Variants in IFT88 observed in about 807,000 individuals in gnomAD.
IFT88 encodes the protein intraflagellar transport 88, also known as intraflagellar transport protein 88 homolog.
In IFT88, 74 loss-of-function variants were observed where a neutral mutation model predicts 119.5. The observed-to-expected ratio is 0.62, with a 90% CI of 0.51 to 0.75. The LOEUF (loss-of-function observed/expected upper bound fraction) is 0.75. Among genes scored for constraint, IFT88 ranks in the 30% least tolerant of loss-of-function variants. The pLI is 0.00. For synonymous variants in IFT88, 279 were observed against 316.7 expected (o/e 0.88, Z 1.26); for missense variants, 961 against 977.7 (o/e 0.98, Z 0.23).
chr13:20,569,961 C>T (rs923947876), intron 1 of IFT88, among the ~76,000 whole-genome samples: 1 of 151,348 alleles, frequency 6.6e-6, no homozygotes, highest in African/African-American at 2.4e-5. Context: ...AGGAGAATGG[C>T]GTGAAACTGG....
At position 20,638,439 on chromosome 13, in the gene IFT88, T is replaced by C. The variant is rs1299459957; in HGVS notation, c.1494T>C (p.Gly498=). 1 of 1,530,954 alleles carries C rather than the reference T, an allele frequency of 6.5e-7. No individual in the cohort carries two copies. The highest frequency in any genetic ancestry group is 2.2e-5 in the Admixed American group (1 of 46,376). The allele number at this position is 1,530,954 out of a possible 1,614,324, so 94.8% of individuals were successfully genotyped here. ...TNKGNTVFAN[G]DYEKAAEFYK... is the part of the protein sequence containing the mutation. ...AAGGGAATACAGTTTTTGCAAATGG[T>C]GATTATGAGAAGGCCGCTGAATTCT... is the stretch of plus-strand genomic sequence containing the variant. The change falls in exon 17 of 26, where the codon GGT becomes GGC. Residue 498 remains glycine, a synonymous_variant. Coordinates refer to ENST00000351808, the MANE Select transcript of IFT88 (RefSeq NM_006531.5).
intron 13 of IFT88, 120 bp downstream of exon 13, chr13:20,605,225 G>T (rs1282971600): frequency 1.2e-4 from 54 of 432,932 alleles, no homozygotes; most frequent in Non-Finnish European, 3.3e-5. Flanking sequence ...TTTATAAAAG[G>T]GTTGAATGTG....
Position 20,688,519 on chromosome 13 carries a change from T to C in IFT88, c.2243-2186T>C, listed in dbSNP as rs2058180973. 2.6e-5 allele frequency among the ~76,000 whole-genome samples: 4 copies of C among 152,336 alleles called. No homozygotes were observed. The South Asian group carries it at 8.3e-4, about 32-fold the overall frequency. Reference sequence around the variant, plus strand: ...TTCTGAAGAACACCAAGCTGAAAATTTGATTTAAAGTGGACTTCAGTTGGT... The same window carrying C: ...TTCTGAAGAACACCAAGCTGAAAATCTGATTTAAAGTGGACTTCAGTTGGT... On this transcript the variant is annotated intron_variant, in intron 24 of 25. Transcript: ENST00000351808.
rs1555308478 is a variant in IFT88 at position 20,670,546 on chromosome 13, T to TA, written c.2176-426dup. ...ACCTTTTTTTTTTTTTTTTTTTTTT[T>TA]ACCCTCAAATAGTTCAGGTCCAACC... On this transcript the variant is annotated intron_variant, in intron 23 of 25. Transcript: ENST00000351808. Among the ~76,000 whole-genome samples the TA allele has an allele frequency of 9.4e-4, 127 of 135,086 alleles. 1 individual carries two copies. The highest frequency in any genetic ancestry group is 3.3e-3 in the African/African-American group (112 of 33,642). 88.6% of individuals were successfully genotyped at this position (135,086 alleles called of 152,430 possible). A position where few individuals can be genotyped will look rare whatever the true frequency, so the allele number is the denominator to read the frequency against.
chr13:20,628,932 C>T (rs978528540), intron 15 of IFT88, among the ~76,000 whole-genome samples: 1 of 152,050 alleles, frequency 6.6e-6, no homozygotes. Context: ...AAATTTAACA[C>T]ATTTCCTTGA....
intron 16 of IFT88, among the ~76,000 whole-genome samples, chr13:20,637,690 G>C (rs766955482): frequency 1.3e-5 from 2 of 152,178 alleles, no homozygotes; most frequent in African/African-American, 4.8e-5. Context: ...GGCTTTCTGA[G>C]ACTAAAGGCC....
intron 20 of IFT88, among the ~76,000 whole-genome samples, chr13:20,645,802 T>C (rs2050661785): frequency 6.6e-6 from 1 of 152,192 alleles, no homozygotes; most frequent in Non-Finnish European, 1.5e-5. Flanking sequence ...CTTAGAATAA[T>C]TTGAATGATA....
Position 20,599,543 on chromosome 13 carries a change from C to G in IFT88, c.790C>G (p.Pro264Ala), listed in dbSNP as rs1319897470. The G allele has an allele frequency of 1.3e-6, 2 of 1,525,038 alleles. No homozygotes were observed. The highest frequency in any genetic ancestry group is 9.0e-7 in the Non-Finnish European group (1 of 1,112,350). 94.5% of individuals were successfully genotyped at this position (1,525,038 alleles called of 1,614,324 possible). ...KFYRMALDQV[P>A]SVNKQMRIKI... ...CTACCGAATGGCATTAGACCAAGTT[C>G]CAAGTGTCAATAAGCAAATGAGGTA... Residue 264 changes from proline to alanine, a missense_variant, in exon 11 of 26, where the codon CCA (proline) becomes GCA (alanine). Physicochemically the swap from Pro to Ala is conservative, Grantham distance 27. Transcript: ENST00000351808.
intron 21 of IFT88, among the ~76,000 whole-genome samples, chr13:20,656,129 A>AAAAAAAAAAG (rs2052748736): frequency 6.6e-6 from 1 of 151,028 alleles, no homozygotes; most frequent in African/African-American, 2.4e-5. Flanking sequence ...CTTTAAAAAA[A>AAAAAAAAAAG]AAAAAAAGGA....
intron 13 of IFT88, among the ~76,000 whole-genome samples, chr13:20,614,670 T>A (rs1484934937): frequency 6.6e-6 from 1 of 152,182 alleles, no homozygotes; most frequent in African/African-American, 2.4e-5. Flanking sequence ...ACTTGAAAGA[T>A]GTTACTGTTG....
chr13:20,683,093 A>T (rs1253477303), intron 24 of IFT88, among the ~76,000 whole-genome samples: 1 of 152,176 alleles, frequency 6.6e-6, no homozygotes, highest in African/African-American at 2.4e-5. Flanking sequence ...AATAACAAAG[A>T]CTGGAGAATT....
At chr13:20,569,391 G>T (rs9552246) in intron 1 of IFT88, among the ~76,000 whole-genome samples, 82,018 of 150,284 alleles carry the variant, frequency 0.55, 22,759 homozygotes, top group East Asian at 0.67. Context: ...GGCTAACACG[G>T]TGAAACCCCG....
chr13:20,684,113 C>T (rs1594922519), intron 24 of IFT88, among the ~76,000 whole-genome samples: 1 of 152,174 alleles, frequency 6.6e-6, no homozygotes, highest in African/African-American at 2.4e-5. Flanking sequence ...GGAAAAGGCT[C>T]AAATGTAGCC....
At chr13:20,619,438 T>C (rs1263745674) in intron 14 of IFT88, among the ~76,000 whole-genome samples, 1 of 152,180 alleles carries the variant, frequency 6.6e-6, no homozygotes, top group Admixed American at 6.5e-5. Flanking sequence ...CATAATTTAG[T>C]TTTTCCAGGT....
chr13:20,616,832 A>G (rs578131755), intron 14 of IFT88, among the ~76,000 whole-genome samples: 30 of 152,226 alleles, frequency 2.0e-4, no homozygotes, highest in Non-Finnish European at 3.8e-4. Flanking sequence ...ATACAGCATT[A>G]CAGCACCTAG....
chr13:20,568,872 C>T (rs2035567625), intron 1 of IFT88, among the ~76,000 whole-genome samples: 1 of 152,082 alleles, frequency 6.6e-6, no homozygotes, highest in South Asian at 2.1e-4. Flanking sequence ...AGGCGCCCGC[C>T]ACCATGCCCA....
At position 20,670,883 on chromosome 13, in the gene IFT88, G is replaced by C. The variant is rs553806822; in HGVS notation, c.2176-90G>C. ...ATGGGTTAGTCCTAAGGGTAATGTA[G>C]TAATGTTAATTTTAAAATCCACCTT... On this transcript the variant is annotated intron_variant, in intron 23 of 25. Coordinates refer to ENST00000351808, the MANE Select transcript of IFT88 (RefSeq NM_006531.5). 4.9e-5 allele frequency: 50 copies of C among 1,025,604 alleles called. No homozygotes were observed. The East Asian group carries it at 1.1e-3, about 23-fold the overall frequency. 63.5% of individuals were successfully genotyped at this position (1,025,604 alleles called of 1,614,324 possible).
chr13:20,627,729 TCAAAA>T (rs869026787), intron 15 of IFT88, among the ~76,000 whole-genome samples: 1 of 21,372 alleles, frequency 4.7e-5, no homozygotes, highest in African/African-American at 1.2e-4. Flanking sequence ...AGACTTCATC[TCAAAA>T]AAAAAAAAAA....
intron 4 of IFT88, 131 bp from the exon 5 acceptor site, chr13:20,590,836 C>A: frequency 1.6e-6 from 1 of 630,128 alleles, no homozygotes; most frequent in South Asian, 2.0e-5. Flanking sequence ...CCCTATACGC[C>A]CAGGAGGTAC....
Sources: allele counts gnomAD v4.1 joint callset (sites outside exome capture counted in the v4.1 genomes callset), GRCh38; gene constraint gnomAD v4.1.1; transcripts MANE v1.5; gene names NCBI Gene and HGNC (gene_info 2026-07-23, HGNC 2026-07-21).